Variants in CALHM3 observed in about 807,000 individuals in gnomAD.
The protein encoded by CALHM3 is calcium homeostasis modulator 3.
In CALHM3, 9 loss-of-function variants were observed where a neutral mutation model predicts 13.6. The ratio of observed to expected loss-of-function variants is 0.66; its 90% CI spans 0.40 to 1.15. CALHM3 has a LOEUF of 1.15. Among genes scored for constraint, CALHM3 ranks in the 50% most tolerant of loss-of-function variants. CALHM3 has a pLI of 0.01. For missense variants in CALHM3, 497 were observed against 463.4 expected (o/e 1.07, Z -0.67); for synonymous variants, 231 against 213.2 (o/e 1.08, Z -0.73).
chr10:103,478,601 G>A (rs1478260172), intron 1 of CALHM3, 145 bp downstream of exon 1: 14 of 796,120 alleles, frequency 1.8e-5, no homozygotes, highest in East Asian at 2.7e-5. Context: ...AGGAGAGGGC[G>A]CACCTGGCAG....
intron 1 of CALHM3, 21 bp from the exon 2 acceptor site, chr10:103,476,570 G>C: frequency 1.9e-6 from 3 of 1,549,632 alleles, no homozygotes; most frequent in Middle Eastern, 1.7e-4. Context: ...AGGAAGGAGG[G>C]GGGTCAAGGG....
chr10:103,475,251 G>T (rs909421114), intron 2 of CALHM3, among the ~76,000 whole-genome samples: 1 of 152,186 alleles, frequency 6.6e-6, no homozygotes, highest in Admixed American at 6.5e-5. Context: ...ATCATTTACA[G>T]AAGTGATTTC....
chr10:103,476,297 T>C lies in CALHM3; in HGVS notation c.540A>G (p.Ser180=), dbSNP rs2033386842. 1.3e-6 allele frequency: 2 copies of C among 1,551,192 alleles called. No homozygotes were observed. Among genetic ancestry groups the C allele is most frequent in the African/African-American group, 2.7e-5 (2 of 73,032 alleles). The change falls in exon 2 of 3, where the codon TCA becomes TCG. Residue 180 remains serine, a synonymous_variant. Coordinates refer to ENST00000369783, the MANE Select transcript of CALHM3 (RefSeq NM_001129742.2). ...GGGGGAGGATCACCCCAGTTACCTG[T>C]GACAGGCACCGCAGGTAGCGAGACA... ...KAVSRYLRCL[S]QAIGWSVTLL...
intron 2 of CALHM3, 21 bp downstream of exon 2, chr10:103,476,273 G>A: frequency 3.2e-6 from 5 of 1,550,480 alleles, no homozygotes; most frequent in Non-Finnish European, 4.4e-6. Flanking sequence ...GCAAGGGCCG[G>A]GGGAGGATCA....
At chr10:103,473,884 C>G (rs1295774577) in intron 2 of CALHM3, among the ~76,000 whole-genome samples, 180 bp from the exon 3 acceptor site, 1 of 152,174 alleles carries the variant, frequency 6.6e-6, no homozygotes, top group African/African-American at 2.4e-5. Flanking sequence ...TATACCACTC[C>G]AAACATCATA....
In CALHM3 at chr10:103,473,720, G is replaced by A. The variant is rs1306034546; in HGVS notation, c.544-16C>T. On this transcript the variant is annotated splice_polypyrimidine_tract_variant and intron_variant, in intron 2 of 2. Transcript: ENST00000369783. ...AGCCGATGGCCTGCAAAGTAAGGAG[G>A]CCCGAGGTTAGATGTGAGTGGGGCC... 1 of 1,537,598 alleles carries A rather than the reference G, an allele frequency of 6.5e-7. No individual in the cohort carries two copies. Among genetic ancestry groups the A allele is most frequent in the African/African-American group, 1.4e-5 (1 of 72,802 alleles).
intron 2 of CALHM3, among the ~76,000 whole-genome samples, chr10:103,475,526 A>G (rs982033027): frequency 1.3e-5 from 2 of 152,190 alleles, no homozygotes; most frequent in Non-Finnish European, 1.5e-5. Context: ...TGTATTTTGC[A>G]TGATAAACTG....
In CALHM3 at chr10:103,479,017, T is replaced by G; in HGVS notation, c.16A>C (p.Met6Leu). 1.3e-6 allele frequency: 2 copies of G among 1,550,642 alleles called. No homozygotes were observed. Among genetic ancestry groups the G allele is most frequent in the Non-Finnish European group, 1.7e-6 (2 of 1,146,444 alleles). The change falls in exon 1 of 3, where the codon ATG (methionine) becomes CTG (leucine). Residue 6 changes from methionine (M) to leucine (L), a missense_variant. Physicochemically the swap from Met to Leu is conservative, Grantham distance 15 (BLOSUM62 2). Coordinates refer to ENST00000369783, the MANE Select transcript of CALHM3 (RefSeq NM_001129742.2). MDKFR[M>L]LFQHFQSSSE... ...CTTGACTGGAAGTGCTGGAAGAGCA[T>G]GCGGAATTTATCCATGGCTCCAGCC...
chr10:103,478,703 C>A, intron 1 of CALHM3, 43 bp downstream of exon 1: 1 of 1,468,968 alleles, frequency 6.8e-7, no homozygotes, highest in African/African-American at 1.4e-5. Flanking sequence ...GCTGGGGAGC[C>A]CCTGGCAAAG....
chr10:103,473,487 A>G lies in CALHM3; in HGVS notation c.761T>C (p.Leu254Pro), dbSNP rs1273681118. ...LHFFASMRSE[L>P]QARGLRRGNA... ...GCCCCGGCGCAGCCCCCGCGCCTGC[A>G]GCTCACTCCGCATGCTGGCAAAGAA... The change falls in exon 3 of 3, where the codon CTG (leucine) becomes CCG (proline). Residue 254 changes from leucine (L) to proline (P), a missense_variant. By Grantham distance (98) the Leu-to-Pro change is moderately conservative. Coordinates refer to ENST00000369783, the MANE Select transcript of CALHM3 (RefSeq NM_001129742.2). 1.9e-6 allele frequency: 3 copies of G among 1,550,226 alleles called. No individual in the cohort carries two copies. The highest frequency in any genetic ancestry group is 2.6e-6 in the Non-Finnish European group (3 of 1,146,366).
chr10:103,478,716 C>T (rs1592164502), intron 1 of CALHM3, 30 bp downstream of exon 1: 3 of 1,487,570 alleles, frequency 2.0e-6, no homozygotes, highest in Middle Eastern at 2.4e-4. Flanking sequence ...TGGCAAAGCT[C>T]ATGGGTCACT....
At position 103,473,345 on chromosome 10, in the gene CALHM3, G is replaced by A. The variant is rs1192846165; in HGVS notation, c.903C>T (p.Leu301=). The A allele has an allele frequency of 5.3e-6, 8 of 1,505,834 alleles. No individual in the cohort carries two copies. Among genetic ancestry groups the A allele is most frequent in the Middle Eastern group, 1.7e-4 (1 of 5,790 alleles). 93.3% of individuals were successfully genotyped at this position (1,505,834 alleles called of 1,614,324 possible). ...AISSREQVDR[L]LSTWYSSKPP... is the part of the protein sequence containing the mutation. ...GCTTGCTGGAGTACCACGTGCTTAG[G>A]AGGCGGTCCACCTGCTCCCGGCTGG... The change falls in exon 3 of 3, where the codon CTC becomes CTT. Residue 301 remains leucine, a synonymous_variant. Transcript: ENST00000369783.
rs1236580351 is a variant in CALHM3, at chr10:103,472,966, C to T, written c.*247G>A. On this transcript the variant is annotated 3_prime_UTR_variant, in exon 3 of 3. Coordinates refer to ENST00000369783, the MANE Select transcript of CALHM3 (RefSeq NM_001129742.2). ...TGTTTAAAATGCAGAATCTCAGACT[C>T]GGTCCTGGCTACACTGTCTGAACCT... 1.5e-5 allele frequency: 6 copies of T among 397,434 alleles called. No homozygotes were observed. The highest frequency in any genetic ancestry group is 1.5e-4 in the East Asian group (4 of 27,014). The allele number at this position is 397,434 out of a possible 1,614,324, so 24.6% of individuals were successfully genotyped here. A position where few individuals can be genotyped will look rare whatever the true frequency, so the allele number is the denominator to read the frequency against.
chr10:103,475,740 A>G (rs1257846136), intron 2 of CALHM3, among the ~76,000 whole-genome samples: 1 of 152,178 alleles, frequency 6.6e-6, no homozygotes, highest in Non-Finnish European at 1.5e-5. Context: ...TTTTTGGTGG[A>G]CACAACTCAG....
intron 2 of CALHM3, among the ~76,000 whole-genome samples, chr10:103,475,044 A>G (rs937749774): frequency 2.0e-5 from 3 of 152,200 alleles, no homozygotes; most frequent in African/African-American, 7.2e-5. Context: ...AACAGGGGAC[A>G]GTGTTCCCAG....
intron 1 of CALHM3, among the ~76,000 whole-genome samples, chr10:103,477,181 A>G (rs1477043953): frequency 6.6e-6 from 1 of 152,082 alleles, no homozygotes; most frequent in African/African-American, 2.4e-5. Context: ...CAAAAGCAGC[A>G]CCTCTAACAC....
intron 1 of CALHM3, among the ~76,000 whole-genome samples, chr10:103,478,017 C>T (rs928907261): frequency 1.3e-5 from 2 of 152,154 alleles, no homozygotes; most frequent in African/African-American, 4.8e-5. Flanking sequence ...ATTCTAATTT[C>T]CCCCCGCCTT....
At position 103,473,589 on chromosome 10, in the gene CALHM3, A is replaced by T. The variant is rs1022521957; in HGVS notation, c.659T>A (p.Val220Glu). ...FLQRRYWSNY[V>E]DLEQKLFDET... Reference sequence around the variant, plus strand: ...GTCGAAGAGCTTCTGCTCCAGGTCCACGTAGTTGCTCCAGTATCTGCGCTG... The same window carrying T: ...GTCGAAGAGCTTCTGCTCCAGGTCCTCGTAGTTGCTCCAGTATCTGCGCTG... Residue 220 changes from valine (V) to glutamate (E), a missense_variant, in exon 3 of 3, where the codon GTG becomes GAG. Physicochemically the swap from Val to Glu is moderately radical, Grantham distance 121. Coordinates refer to ENST00000369783, the MANE Select transcript of CALHM3 (RefSeq NM_001129742.2). 1 of 1,551,222 alleles carries T rather than the reference A, an allele frequency of 6.4e-7. No homozygotes were observed. Among genetic ancestry groups the T allele is most frequent in the African/African-American group, 1.4e-5 (1 of 73,048 alleles).
In CALHM3 at chr10:103,474,100, A is replaced by G. The variant is rs777731107; in HGVS notation, c.544-396T>C. 7.9e-5 allele frequency among the ~76,000 whole-genome samples: 12 copies of G among 152,172 alleles called. 1 individual carries two copies. The highest frequency in any genetic ancestry group is 1.5e-4 in the Non-Finnish European group (10 of 68,022). ...AAGGTATTCCAAAGTCCCTCCTTTTACATTTCCCATCCATCCTTCCTCAAA... is the reference window on the plus strand; with the variant it reads ...AAGGTATTCCAAAGTCCCTCCTTTTGCATTTCCCATCCATCCTTCCTCAAA... On this transcript the variant is annotated intron_variant, in intron 2 of 2. Coordinates refer to ENST00000369783, the MANE Select transcript of CALHM3 (RefSeq NM_001129742.2).
Sources: allele counts gnomAD v4.1 joint callset (sites outside exome capture counted in the v4.1 genomes callset), GRCh38; gene constraint gnomAD v4.1.1; transcripts MANE v1.5; gene names NCBI Gene and HGNC (gene_info 2026-07-23, HGNC 2026-07-21).